Variants in SLA2 observed in about 807,000 individuals in gnomAD.
The protein encoded by SLA2 is Src like adaptor 2.
Under a neutral mutation model 27.3 loss-of-function variants are expected in SLA2, and 22 were observed. That is an observed-to-expected ratio of 0.81 (90% CI 0.58 to 1.15). The LOEUF is 1.15. Among genes scored for constraint, SLA2 ranks in the 50% most tolerant of loss-of-function variants. The pLI is 0.00. For synonymous variants in SLA2, 131 were observed against 137.8 expected, an observed-to-expected ratio of 0.95 and a Z score of 0.34; for missense variants, 304 against 322.2, an observed-to-expected ratio of 0.94 and a Z score of 0.43.
At position 36,613,978 on chromosome 20, in the gene SLA2, A is replaced by G. The variant is rs2039173470; in HGVS notation, c.674T>C (p.Leu225Pro). ...CTCCCCTGTGGCAGCTTCAGAAAAC[A>G]GGAGGGAGCTGTGGACAAAGGAAGA... Reference protein sequence around the residue: ...LNWKELDSSLLFSEAATGEES... With the variant: ...LNWKELDSSLPFSEAATGEES... Residue 225 changes from leucine to proline, a missense_variant, in exon 8 of 8, where the codon CTG becomes CCG. Physicochemically the swap from Leu to Pro is moderately conservative, Grantham distance 98. Transcript: ENST00000262866. 6.2e-7 allele frequency: 1 copy of G among 1,614,078 alleles called. No homozygotes were observed.
At chr20:36,636,265 A>C (rs2039444717) in intron 2 of SLA2, among the ~76,000 whole-genome samples, 1 of 149,324 alleles carries the variant, frequency 6.7e-6, no homozygotes, top group Non-Finnish European at 1.5e-5. Flanking sequence ...AAAATACAAA[A>C]AAAAAATTAG....
chr20:36,633,488 T>C (rs781471279), intron 4 of SLA2, 55 bp downstream of exon 4: 37 of 1,457,722 alleles, frequency 2.5e-5, no homozygotes, highest in Non-Finnish European at 3.6e-5. Context: ...AGGGGAGTTC[T>C]TGTGGGAGGA....
At position 36,612,501 on chromosome 20, in the gene SLA2, A is replaced by C. The variant is rs1467626861; in HGVS notation, c.*1365T>G. 1 of 471,234 alleles carries C rather than the reference A, an allele frequency of 2.1e-6. No individual in the cohort carries two copies. Among genetic ancestry groups the C allele is most frequent in the Non-Finnish European group, 3.9e-6 (1 of 257,964 alleles). The allele number at this position is 471,234 out of a possible 1,614,324, so 29.2% of individuals were successfully genotyped here. ...CACAGTACATGCAGCATCTAATAAG[A>C]GTTTCCATTGTAGAATGTTTTCACA... On this transcript the variant is annotated 3_prime_UTR_variant, in exon 8 of 8. Transcript: ENST00000262866.
intron 2 of SLA2, among the ~76,000 whole-genome samples, chr20:36,640,650 G>T (rs1478349654): frequency 6.6e-6 from 1 of 151,962 alleles, no homozygotes; most frequent in Admixed American, 6.6e-5. Context: ...CTAAGTAGCT[G>T]GGATTACAGG....
chr20:36,619,220 GAA>G (rs60021707), intron 5 of SLA2, among the ~76,000 whole-genome samples: 40 of 71,288 alleles, frequency 5.6e-4, no homozygotes, highest in East Asian at 9.7e-4. Context: ...GACTCTGGGG[GAA>G]AAAAAAAAAA....
intron 3 of SLA2, among the ~76,000 whole-genome samples, chr20:36,634,239 G>T (rs1464874389): frequency 6.6e-6 from 1 of 152,058 alleles, no homozygotes; most frequent in Non-Finnish European, 1.5e-5. Flanking sequence ...GCCCACCTCA[G>T]CCTCCCAAAG....
intron 6 of SLA2, 78 bp downstream of exon 6, chr20:36,615,147 A>C: frequency 5.0e-6 from 8 of 1,600,408 alleles, no homozygotes; most frequent in Non-Finnish European, 6.8e-6. Context: ...ACAGTAGGTA[A>C]AATATCCAAG....
chr20:36,635,632 G>A (rs1275203563), intron 2 of SLA2, among the ~76,000 whole-genome samples: 1 of 152,136 alleles, frequency 6.6e-6, no homozygotes, highest in Non-Finnish European at 1.5e-5. Context: ...CTCCCCAGGG[G>A]TCTGTCCTCT....
intron 5 of SLA2, among the ~76,000 whole-genome samples, chr20:36,626,378 G>A (rs2039337418): frequency 6.7e-6 from 1 of 148,482 alleles, no homozygotes; most frequent in Admixed American, 6.7e-5. Flanking sequence ...ATGACAGAAC[G>A]AGACTCCGTC....
In SLA2 at chr20:36,636,623, A is replaced by AT. The variant is rs1555793206; in HGVS notation, c.92-2035_92-2034insA. 9.8e-3 allele frequency among the ~76,000 whole-genome samples: 1,127 copies of AT among 114,630 alleles called. 7 individuals carry two copies. Among genetic ancestry groups the AT allele is most frequent in the African/African-American group, 0.017 (436 of 25,094 alleles). 75.2% of individuals were successfully genotyped at this position (114,630 alleles called of 152,430 possible). On this transcript the variant is annotated intron_variant, in intron 2 of 7. Transcript: ENST00000262866. ...TCCATCTCAAAAAGAAAAAAAAAAA[A>AT]ATATATATATATATATATATATATA...
chr20:36,624,320 C>G lies in SLA2; in HGVS notation c.382+8275G>C, dbSNP rs150435634. On this transcript the variant is annotated intron_variant, in intron 5 of 7. Transcript: ENST00000262866. Reference sequence around the variant, plus strand: ...TCTGTGTGACCTGACTCTAAACTCGCCACTCCCCTCATCCTGTCTTCCCTG... The same window carrying G: ...TCTGTGTGACCTGACTCTAAACTCGGCACTCCCCTCATCCTGTCTTCCCTG... 3.3e-5 allele frequency among the ~76,000 whole-genome samples: 5 copies of G among 152,260 alleles called. No homozygotes were observed. The East Asian group carries it at 9.6e-4, about 29-fold the overall frequency.
intron 1 of SLA2, among the ~76,000 whole-genome samples, chr20:36,643,674 G>A (rs1272507870): frequency 6.6e-6 from 1 of 152,184 alleles, no homozygotes; most frequent in African/African-American, 2.4e-5. Context: ...TACCTGGGCC[G>A]GGCGCGGTGG....
chr20:36,630,146 CAGTGGG>C (rs2039379346), intron 5 of SLA2, among the ~76,000 whole-genome samples: 1 of 152,162 alleles, frequency 6.6e-6, no homozygotes, highest in Non-Finnish European at 1.5e-5. Context: ...GGACAGTCTG[CAGTGGG>C]GCCCTGCTCC....
chr20:36,625,651 G>A (rs2039329585), intron 5 of SLA2, among the ~76,000 whole-genome samples: 1 of 152,050 alleles, frequency 6.6e-6, no homozygotes, highest in Non-Finnish European at 1.5e-5. Context: ...GGGCAATAGA[G>A]TGAGATCCTG....
intron 5 of SLA2, chr20:36,621,412 A>G (rs762744283): frequency 9.0e-5 from 50 of 553,484 alleles, no homozygotes; most frequent in Admixed American, 3.3e-4. Flanking sequence ...ATATAGTAGC[A>G]GAAGGTTCTA....
In SLA2 at chr20:36,645,354, G is replaced by A. The variant is rs543418739; in HGVS notation, c.-44+483C>T. On this transcript the variant is annotated intron_variant, in intron 1 of 7. Transcript: ENST00000262866. The stretch of plus-strand genomic sequence containing the variant: ...TGCACTCCAGCCTGGGTAACAGAAT[G>A]AGACCCCAACTCAAAAAAAAAAATG... Among the ~76,000 whole-genome samples, 43 of 151,736 alleles carry A rather than the reference G, an allele frequency of 2.8e-4. No individual in the cohort carries two copies. In the South Asian group the frequency reaches 5.0e-3, roughly 18 times the overall value.
chr20:36,642,035 G>A (rs375982105), intron 1 of SLA2, among the ~76,000 whole-genome samples: 1 of 147,078 alleles, frequency 6.8e-6, no homozygotes. Flanking sequence ...GTGGTGGTGT[G>A]TACCTGTAGT....
intron 5 of SLA2, among the ~76,000 whole-genome samples, chr20:36,624,981 C>G (rs2039321902): frequency 6.6e-6 from 1 of 152,126 alleles, no homozygotes; most frequent in South Asian, 2.1e-4. Flanking sequence ...ATCCTCTCTC[C>G]CCCTCTCAAC....
chr20:36,641,770 AC>A (rs2039509050), intron 1 of SLA2, among the ~76,000 whole-genome samples: 1 of 151,784 alleles, frequency 6.6e-6, no homozygotes, highest in Admixed American at 6.6e-5. Context: ...CCTTTCTCTG[AC>A]CCGGGATCAC....
Sources: allele counts gnomAD v4.1 joint callset (sites outside exome capture counted in the v4.1 genomes callset), GRCh38; gene constraint gnomAD v4.1.1; transcripts MANE v1.5; gene names NCBI Gene and HGNC (gene_info 2026-07-23, HGNC 2026-07-21).